The following HECW2 variants were observed in gnomAD, a reference collection of about 807,000 sequenced individuals.
HECW2 encodes E3 ubiquitin-protein ligase HECW2.
In HECW2, 61 loss-of-function variants were observed where a neutral mutation model predicts 175.2. The ratio of observed to expected loss-of-function variants is 0.35; its 90% CI spans 0.28 to 0.43. The LOEUF is 0.43. Among genes scored for constraint, HECW2 ranks in the 20% least tolerant of loss-of-function variants. The probability of loss-of-function intolerance (pLI) is 1.00; values close to 1 mark genes in which losing one functional copy is unlikely to be tolerated. For missense variants in HECW2, 1,524 were observed against 2,000.5 expected, an observed-to-expected ratio of 0.76 and a Z score of 4.54; for synonymous variants, 671 against 731.0, an observed-to-expected ratio of 0.92 and a Z score of 1.32.
Position 196,321,301 on chromosome 2 carries a change from T to A in HECW2, c.885-862A>T, listed in dbSNP as rs536105641. Among the ~76,000 whole-genome samples the A allele has an allele frequency of 3.3e-4, 50 of 152,316 alleles. 1 individual carries two copies. In the South Asian group the frequency reaches 0.01, roughly 31 times the overall value. On this transcript the variant is annotated intron_variant, in intron 7 of 28. Coordinates refer to ENST00000644978, the MANE Select transcript of HECW2 (RefSeq NM_001348768.2). ...GAGTTTTCCATCTGTTTCAAGTCTG[T>A]TTCTTTATCAAAGTCAAATGCAGTC...
chr2:196,317,343 G>C lies in HECW2; in HGVS notation c.2365C>G (p.Leu789Val). ...GGSQANGHQP[L>V]RSLPSVRQDV... Reference sequence around the variant, plus strand: ...TGGCGCACTGAAGGTAGTGATCGCAGTGGCTGGTGGCCGTTGGCTTGAGAA... The same window carrying C: ...TGGCGCACTGAAGGTAGTGATCGCACTGGCTGGTGGCCGTTGGCTTGAGAA... Residue 789 changes from leucine (L) to valine (V), a missense_variant, in exon 10 of 29, where the codon CTG (leucine) becomes GTG (valine). By Grantham distance (32) the Leu-to-Val change is conservative. Coordinates refer to ENST00000644978, the MANE Select transcript of HECW2 (RefSeq NM_001348768.2). 6.2e-7 allele frequency: 1 copy of C among 1,613,322 alleles called. No individual in the cohort carries two copies. The highest frequency in any genetic ancestry group is 8.5e-7 in the Non-Finnish European group (1 of 1,179,712).
chr2:196,336,142 C>T (rs975938541), intron 3 of HECW2, among the ~76,000 whole-genome samples: 2 of 152,068 alleles, frequency 1.3e-5, no homozygotes, highest in Non-Finnish European at 1.5e-5. Flanking sequence ...TGAAGAATGG[C>T]GAGATGACCT....
intron 1 of HECW2, among the ~76,000 whole-genome samples, chr2:196,437,729 C>G (rs908459121): frequency 6.6e-6 from 1 of 151,910 alleles, no homozygotes; most frequent in African/African-American, 2.4e-5. Flanking sequence ...GCCCATCCAG[C>G]GTCACAAAGC....
At chr2:196,581,464 G>GC (rs1354611979) in intron 1 of HECW2, among the ~76,000 whole-genome samples, 1 of 152,036 alleles carries the variant, frequency 6.6e-6, no homozygotes, top group East Asian at 1.9e-4. Context: ...AACCTGGGAG[G>GC]CAGACATTGC....
At chr2:196,556,564 G>A (rs771468819) in intron 1 of HECW2, among the ~76,000 whole-genome samples, 1 of 152,136 alleles carries the variant, frequency 6.6e-6, no homozygotes, top group Non-Finnish European at 1.5e-5. Context: ...ATTTCACTTA[G>A]CATCATGTCC....
At chr2:196,382,622 G>A (rs1222284007) in intron 2 of HECW2, among the ~76,000 whole-genome samples, 1 of 152,166 alleles carries the variant, frequency 6.6e-6, no homozygotes, top group Non-Finnish European at 1.5e-5. Flanking sequence ...AAAAAGGATA[G>A]AATGAGAGTC....
chr2:196,429,263 G>A (rs1374863276), intron 2 of HECW2, among the ~76,000 whole-genome samples: 1 of 152,072 alleles, frequency 6.6e-6, no homozygotes, highest in Admixed American at 6.5e-5. Flanking sequence ...CCTGCCCTGA[G>A]ATTAAGGACT....
At chr2:196,437,319 A>C (rs987371070) in intron 1 of HECW2, among the ~76,000 whole-genome samples, 2 of 152,022 alleles carry the variant, frequency 1.3e-5, no homozygotes, top group African/African-American at 4.8e-5. Context: ...CTGCAAAAGA[A>C]ACCATGCACC....
intron 1 of HECW2, among the ~76,000 whole-genome samples, chr2:196,552,149 C>G (rs147707726): frequency 4.9e-4 from 74 of 152,228 alleles, no homozygotes; most frequent in East Asian, 1.5e-3. Flanking sequence ...TATTTCAACC[C>G]AAAATGATAA....
intron 3 of HECW2, among the ~76,000 whole-genome samples, chr2:196,336,194 A>C (rs2105808399): frequency 6.6e-6 from 1 of 152,336 alleles, no homozygotes; most frequent in East Asian, 1.9e-4. Context: ...CCTCCCTGAG[A>C]ACTCTTCTGC....
intron 10 of HECW2, among the ~76,000 whole-genome samples, chr2:196,309,739 T>A (rs955610628): frequency 6.6e-6 from 1 of 152,104 alleles, no homozygotes; most frequent in Admixed American, 6.6e-5. Context: ...GTCCCAATTT[T>A]AAAAATGTAG....
chr2:196,341,578 G>A (rs1692753816), intron 3 of HECW2, among the ~76,000 whole-genome samples: 1 of 152,178 alleles, frequency 6.6e-6, no homozygotes, highest in South Asian at 2.1e-4. Flanking sequence ...TCACATGTTG[G>A]CAAGTTTTCT....
intron 2 of HECW2, among the ~76,000 whole-genome samples, chr2:196,411,893 C>T (rs1695123070): frequency 6.6e-6 from 1 of 152,144 alleles, no homozygotes; most frequent in Non-Finnish European, 1.5e-5. Context: ...ACCTGTAGTC[C>T]CAGCTACTTG....
intron 1 of HECW2, among the ~76,000 whole-genome samples, chr2:196,573,687 G>C (rs796662146): frequency 6.6e-6 from 1 of 152,120 alleles, no homozygotes; most frequent in Non-Finnish European, 1.5e-5. Context: ...TGCAATTGCC[G>C]AACACTGCGG....
chr2:196,315,743 G>A (rs746779384), intron 10 of HECW2: 2 of 152,116 alleles, frequency 1.3e-5, no homozygotes, highest in Non-Finnish European at 2.9e-5. Context: ...TGTCATTTAT[G>A]AATTATGGTC....
At chr2:196,387,974 G>A (rs890935586) in intron 2 of HECW2, among the ~76,000 whole-genome samples, 1 of 152,118 alleles carries the variant, frequency 6.6e-6, no homozygotes, top group Non-Finnish European at 1.5e-5. Context: ...TAAGCACTGA[G>A]TTATTAGTAA....
chr2:196,277,245 C>T (rs879479320), intron 15 of HECW2, among the ~76,000 whole-genome samples: 8 of 152,094 alleles, frequency 5.3e-5, no homozygotes, highest in East Asian at 1.9e-4. Context: ...CCCTGCAAAT[C>T]GGTAAAGTAG....
At chr2:196,225,720 G>C in intron 23 of HECW2, 52 bp downstream of exon 23, 1 of 1,158,574 alleles carries the variant, frequency 8.6e-7, no homozygotes, top group Non-Finnish European at 1.3e-6. Context: ...TTTCAAAAAA[G>C]TAAATACTGC....
In HECW2 at chr2:196,228,268, C is replaced by A. The variant is rs76713109; in HGVS notation, c.3765-14G>T. 4 of 1,583,148 alleles carry A rather than the reference C, an allele frequency of 2.5e-6. No homozygotes were observed. Among genetic ancestry groups the A allele is most frequent in the Non-Finnish European group, 2.6e-6 (3 of 1,170,978 alleles). The stretch of plus-strand genomic sequence containing the variant: ...CTGTAATCCAGCCTGTAACAAAAAT[C>A]CACAAAAAGAATAATCTGTTACTTT... On this transcript the variant is annotated splice_polypyrimidine_tract_variant and intron_variant, in intron 21 of 28. Transcript: ENST00000644978.
Sources: allele counts gnomAD v4.1 joint callset (sites outside exome capture counted in the v4.1 genomes callset), GRCh38; gene constraint gnomAD v4.1.1; transcripts MANE v1.5; gene names NCBI Gene and HGNC (gene_info 2026-07-23, HGNC 2026-07-21).